Variants in LINC00305 observed in about 807,000 individuals in gnomAD.
LINC00305 encodes the protein long intergenic non-protein coding RNA 305.
chr18:64,080,130 A>G (rs1360620609), exon 4 of LINC00305: 1 of 182,276 alleles, frequency 5.5e-6, no homozygotes, highest in Non-Finnish European at 1.2e-5. Flanking sequence ...AAAAATTTTA[A>G]AAGTGTTTTG....
intron 3 of LINC00305, among the ~76,000 whole-genome samples, chr18:64,088,048 G>A (rs1026949789): frequency 6.6e-6 from 1 of 152,052 alleles, no homozygotes; most frequent in African/African-American, 2.4e-5. Context: ...GTGTAAACCC[G>A]GGAGGCGGAG....
chr18:64,107,268 C>T (rs556826687), intron 1 of LINC00305, among the ~76,000 whole-genome samples: 18 of 152,272 alleles, frequency 1.2e-4, no homozygotes, highest in African/African-American at 3.8e-4. Flanking sequence ...GAGAAACAGA[C>T]AAGTAATAGA....
intron 1 of LINC00305, among the ~76,000 whole-genome samples, chr18:64,112,138 C>A (rs990933855): frequency 6.6e-6 from 1 of 152,008 alleles, no homozygotes; most frequent in Non-Finnish European, 1.5e-5. Context: ...ATCAGCCTGC[C>A]GCAGATGCTC....
At chr18:64,114,668 C>G (rs375493912) in intron 1 of LINC00305, among the ~76,000 whole-genome samples, 1 of 152,296 alleles carries the variant, frequency 6.6e-6, no homozygotes, top group African/African-American at 2.4e-5. Context: ...CCTGCCTTAG[C>G]CTCCAGAGTA....
At chr18:64,088,486 C>A (rs1010926258) in intron 3 of LINC00305, among the ~76,000 whole-genome samples, 4 of 152,220 alleles carry the variant, frequency 2.6e-5, no homozygotes, top group Admixed American at 2.0e-4. Flanking sequence ...TAGTGCAATG[C>A]ACAAAATCCT....
intron 3 of LINC00305, among the ~76,000 whole-genome samples, chr18:64,089,789 G>A (rs1272951898): frequency 6.6e-6 from 1 of 152,144 alleles, no homozygotes; most frequent in Non-Finnish European, 1.5e-5. Flanking sequence ...ATGGCAGCAA[G>A]GAAAAAGAGA....
intron 1 of LINC00305, among the ~76,000 whole-genome samples, chr18:64,113,575 T>C (rs751118605): frequency 1.1e-4 from 17 of 152,190 alleles, no homozygotes; most frequent in Non-Finnish European, 1.9e-4. Flanking sequence ...TTAGTTACAC[T>C]GCCCATGAGA....
At chr18:64,140,491 G>C (rs918023096) in intron 1 of LINC00305, among the ~76,000 whole-genome samples, 2 of 152,130 alleles carry the variant, frequency 1.3e-5, no homozygotes, top group African/African-American at 2.4e-5. Flanking sequence ...TTACAGGTGT[G>C]AGCCACCGCA....
At chr18:64,084,975 G>A (rs574377962) in intron 3 of LINC00305, among the ~76,000 whole-genome samples, 1 of 152,382 alleles carries the variant, frequency 6.6e-6, no homozygotes, top group African/African-American at 2.4e-5. Context: ...ACAGGGAGGT[G>A]TGAGGAATCA....
intron 1 of LINC00305, among the ~76,000 whole-genome samples, chr18:64,114,570 A>T (rs1360898044): frequency 1.3e-5 from 2 of 152,208 alleles, no homozygotes; most frequent in Non-Finnish European, 2.9e-5. Context: ...TTTGTTTGAG[A>T]TGGAGTCTCC....
chr18:64,114,855 A>G lies in LINC00305; in HGVS notation n.315-16215T>C, dbSNP rs571062930. Among the ~76,000 whole-genome samples, 5 of 152,252 alleles carry G rather than the reference A, an allele frequency of 3.3e-5. No individual in the cohort carries two copies. The East Asian group carries it at 9.7e-4, about 29-fold the overall frequency. On this transcript the variant is annotated intron_variant and non_coding_transcript_variant, in intron 1 of 3. Transcript: ENST00000666468. ...TGAGCCATTGCTCCTGGCCTATTTT[A>G]TGTTTTTTTGAAAATGAGCTTGTGC...
At chr18:64,135,100 C>T (rs1374211191) in intron 1 of LINC00305, among the ~76,000 whole-genome samples, 1 of 152,146 alleles carries the variant, frequency 6.6e-6, no homozygotes, top group East Asian at 1.9e-4. Flanking sequence ...CCAGGCCTGT[C>T]TCTGGTTCAT....
intron 1 of LINC00305, among the ~76,000 whole-genome samples, chr18:64,129,959 T>C (rs1036553896): frequency 6.6e-6 from 1 of 151,852 alleles, no homozygotes; most frequent in Non-Finnish European, 1.5e-5. Context: ...CAGTTTTCAA[T>C]TGTCTGTGCA....
At chr18:64,122,555 T>G (rs2051366715) in intron 1 of LINC00305, among the ~76,000 whole-genome samples, 1 of 152,144 alleles carries the variant, frequency 6.6e-6, no homozygotes, top group Non-Finnish European at 1.5e-5. Flanking sequence ...TGTCTATTTT[T>G]ATACCAGTAC....
At chr18:64,097,869 C>G (rs371553095) in exon 3 of LINC00305, 8 of 457,986 alleles carry the variant, frequency 1.7e-5, no homozygotes, top group African/African-American at 1.6e-4. Flanking sequence ...GAATCTCACT[C>G]TAACCACTGT....
chr18:64,142,812 G>A (rs929473492), intron 1 of LINC00305, among the ~76,000 whole-genome samples: 3 of 152,106 alleles, frequency 2.0e-5, no homozygotes, highest in Non-Finnish European at 4.4e-5. Flanking sequence ...GCAACTTAGT[G>A]TTGAAAACTA....
chr18:64,093,496 G>A (rs1020326020), intron 3 of LINC00305, among the ~76,000 whole-genome samples: 7 of 152,016 alleles, frequency 4.6e-5, no homozygotes, highest in East Asian at 3.9e-4. Flanking sequence ...CACCAAGCCC[G>A]GCTAATTTTT....
intron 1 of LINC00305, among the ~76,000 whole-genome samples, chr18:64,123,525 T>C (rs1019886094): frequency 3.3e-5 from 5 of 152,168 alleles, no homozygotes; most frequent in African/African-American, 1.2e-4. Flanking sequence ...TCTCTGCTAA[T>C]AAATTCACAT....
chr18:64,083,245 C>G (rs550493483), intron 3 of LINC00305, among the ~76,000 whole-genome samples: 20 of 152,154 alleles, frequency 1.3e-4, no homozygotes, highest in African/African-American at 4.8e-4. Context: ...TATGGAGGAG[C>G]TCTCCCACCA....
Sources: gnomAD v4.1 joint callset for allele counts (sites outside exome capture counted in the v4.1 genomes callset) on GRCh38, gnomAD v4.1.1 for gene constraint, MANE v1.5 for transcripts, NCBI Gene and HGNC (gene_info 2026-07-23, HGNC 2026-07-21) for gene names.